The following TBC1D32 variants were observed in gnomAD, a reference collection of about 807,000 sequenced individuals.
The protein encoded by TBC1D32 is protein broad-minded.
In TBC1D32, 151 loss-of-function variants were observed where a neutral mutation model predicts 170.3. The ratio of observed to expected loss-of-function variants is 0.89; its 90% CI spans 0.78 to 1.01. TBC1D32 has a LOEUF of 1.01. Among genes scored for constraint, TBC1D32 ranks in the 50% least tolerant of loss-of-function variants. The pLI is 0.00. For synonymous variants in TBC1D32, 498 were observed against 488.0 expected (o/e 1.02, Z -0.27); for missense variants, 1,464 against 1,457.1 (o/e 1.00, Z -0.08).
intron 22 of TBC1D32, among the ~76,000 whole-genome samples, chr6:121,197,187 G>A (rs1790848352): frequency 6.6e-6 from 1 of 152,188 alleles, no homozygotes; most frequent in South Asian, 2.1e-4. Flanking sequence ...GGAAGAGTAT[G>A]TACGGAATAC....
intron 30 of TBC1D32, among the ~76,000 whole-genome samples, chr6:121,102,377 G>C (rs940279700): frequency 6.6e-6 from 1 of 152,080 alleles, no homozygotes; most frequent in African/African-American, 2.4e-5. Context: ...CATGGTACTG[G>C]TACCAAAACA....
At chr6:121,246,504 T>G (rs1797629134) in intron 17 of TBC1D32, among the ~76,000 whole-genome samples, 1 of 151,958 alleles carries the variant, frequency 6.6e-6, no homozygotes, top group Non-Finnish European at 1.5e-5. Context: ...AAGGTCACAG[T>G]AGGCCCCAGC....
intron 1 of TBC1D32, among the ~76,000 whole-genome samples, chr6:121,327,080 T>C (rs1489563974): frequency 6.6e-6 from 1 of 151,984 alleles, no homozygotes; most frequent in Non-Finnish European, 1.5e-5. Context: ...GGATAGAAAA[T>C]ATTGTTGCAA....
intron 24 of TBC1D32, among the ~76,000 whole-genome samples, chr6:121,132,067 A>T (rs1172035750): frequency 6.6e-6 from 1 of 152,012 alleles, no homozygotes; most frequent in Non-Finnish European, 1.5e-5. Context: ...GACAGCGTGA[A>T]CCTTAAAATT....
chr6:121,294,451 T>C (rs1805316577), intron 11 of TBC1D32, 119 bp downstream of exon 11: 8 of 660,470 alleles, frequency 1.2e-5, no homozygotes, highest in Admixed American at 3.0e-5. Context: ...GCATCATTAG[T>C]AAAAGTGACC....
intron 22 of TBC1D32, among the ~76,000 whole-genome samples, chr6:121,187,214 T>C (rs1489891556): frequency 6.6e-6 from 1 of 152,082 alleles, no homozygotes; most frequent in African/African-American, 2.4e-5. Context: ...TATCTCTGAT[T>C]CATTATTTTT....
Position 121,304,362 on chromosome 6 carries a change from T to G in TBC1D32, c.935+3A>C. 6.2e-7 allele frequency: 1 copy of G among 1,613,284 alleles called. No individual in the cohort carries two copies. The highest frequency in any genetic ancestry group is 8.5e-7 in the Non-Finnish European group (1 of 1,179,560). ...TGCTGGCATACATTGGGAGGGGACT[T>G]ACTTCTCTGGATGACGAATCCAGAA... On this transcript the variant is annotated splice_donor_region_variant and intron_variant, in intron 8 of 31. Transcript: ENST00000398212.
At chr6:121,220,955 G>A (rs997634103) in intron 21 of TBC1D32, among the ~76,000 whole-genome samples, 3 of 151,772 alleles carry the variant, frequency 2.0e-5, no homozygotes, top group Admixed American at 6.6e-5. Context: ...GATTTTCAAT[G>A]CAAACAAAAC....
intron 17 of TBC1D32, 27 bp from the exon 18 acceptor site, chr6:121,242,366 C>T (rs374751241): frequency 1.2e-6 from 2 of 1,606,124 alleles, no homozygotes; most frequent in Non-Finnish European, 1.7e-6. Flanking sequence ...AAAGGTAGAG[C>T]TTTCTTTAAG....
chr6:121,268,897 G>C (rs995454494), intron 15 of TBC1D32, among the ~76,000 whole-genome samples: 1 of 152,304 alleles, frequency 6.6e-6, no homozygotes, highest in East Asian at 1.9e-4. Flanking sequence ...AAGCCCATCA[G>C]ACTAACAGCG....
chr6:121,205,150 C>A lies in TBC1D32; in HGVS notation c.2495G>T (p.Arg832Ile). 2 of 1,469,556 alleles carry A rather than the reference C, an allele frequency of 1.4e-6. No individual in the cohort carries two copies. The highest frequency in any genetic ancestry group is 1.4e-5 in the African/African-American group (1 of 69,554). The allele number at this position is 1,469,556 out of a possible 1,614,324, so 91.0% of individuals were successfully genotyped here. A position where few individuals can be genotyped will look rare whatever the true frequency, so the allele number is the denominator to read the frequency against. Residue 832 changes from arginine to isoleucine, a missense_variant, in exon 22 of 32, where the codon AGA (arginine) becomes ATA (isoleucine). Arg to Ile is a moderately conservative substitution (Grantham distance 97, BLOSUM62 -3). Coordinates refer to ENST00000398212, the MANE Select transcript of TBC1D32 (RefSeq NM_152730.6). ...VPTCVIDIID[R>I]LIILNSEAKI... ...AGCTTCAGAATTCAAAATTATAAGT[C>A]TATCAATAATATCCTGAAAAAGACA...
At chr6:121,154,491 GCCCTGT>G (rs1216670508) in intron 24 of TBC1D32, among the ~76,000 whole-genome samples, 26 of 152,194 alleles carry the variant, frequency 1.7e-4, no homozygotes, top group Admixed American at 3.9e-4. Flanking sequence ...TTTGTTCAAG[GCCCTGT>G]TAGATTCTTG....
intron 31 of TBC1D32, among the ~76,000 whole-genome samples, chr6:121,081,650 A>G (rs1050618184): frequency 1.1e-4 from 17 of 152,204 alleles, no homozygotes; most frequent in African/African-American, 3.6e-4. Context: ...AGAAGAAGAA[A>G]AAAAAGCAAC....
chr6:121,135,216 T>C (rs989306454), intron 24 of TBC1D32, among the ~76,000 whole-genome samples: 9 of 152,178 alleles, frequency 5.9e-5, no homozygotes, highest in Non-Finnish European at 1.2e-4. Flanking sequence ...ATAGATATTT[T>C]ATATGACAAT....
intron 4 of TBC1D32, among the ~76,000 whole-genome samples, chr6:121,308,853 T>C (rs1016959127): frequency 6.6e-6 from 1 of 152,074 alleles, no homozygotes; most frequent in Non-Finnish European, 1.5e-5. Flanking sequence ...GGGAAAGTAG[T>C]AGAGAATAGT....
At chr6:121,334,564 T>A, upstream of TBC1D32, 4 of 1,070,278 alleles carry the variant, frequency 3.7e-6, no homozygotes, top group Non-Finnish European at 5.3e-6. Flanking sequence ...GGCGAGCGCC[T>A]GTGCCTGCGC....
chr6:121,221,290 A>C (rs1270173917), intron 21 of TBC1D32, among the ~76,000 whole-genome samples: 2 of 152,188 alleles, frequency 1.3e-5, no homozygotes, highest in African/African-American at 4.8e-5. Flanking sequence ...TCAAAATACT[A>C]CTGCTCACTG....
intron 22 of TBC1D32, among the ~76,000 whole-genome samples, chr6:121,162,783 G>C (rs532605838): frequency 8.7e-5 from 11 of 126,876 alleles, no homozygotes; most frequent in African/African-American, 3.0e-4. Flanking sequence ...GCAGAAAACA[G>C]GTGATTTCTG....
At chr6:121,194,782 G>A (rs1032872016) in intron 22 of TBC1D32, among the ~76,000 whole-genome samples, 2 of 152,190 alleles carry the variant, frequency 1.3e-5, no homozygotes, top group Admixed American at 6.5e-5. Context: ...TACCCAGAGA[G>A]AACTTGATTG....
Sources: gnomAD v4.1 joint callset for allele counts (sites outside exome capture counted in the v4.1 genomes callset) on GRCh38, gnomAD v4.1.1 for gene constraint, MANE v1.5 for transcripts, NCBI Gene and HGNC (gene_info 2026-07-23, HGNC 2026-07-21) for gene names.